Variants in AP1B1 observed in about 807,000 individuals in gnomAD.
The protein encoded by AP1B1 is adaptor related protein complex 1 subunit beta 1.
Under a neutral mutation model 104.3 loss-of-function variants are expected in AP1B1, and 36 were observed. That is an observed-to-expected ratio of 0.35 (90% confidence interval 0.26 to 0.46). AP1B1 has a LOEUF of 0.46. Among genes scored for constraint, AP1B1 ranks in the 20% least tolerant of loss-of-function variants. The probability of loss-of-function intolerance (pLI) is 1.00; values close to 1 mark genes in which losing one functional copy is unlikely to be tolerated. For missense variants in AP1B1, 901 were observed against 1,247.9 expected, an observed-to-expected ratio of 0.72 and a Z score of 4.19; for synonymous variants, 504 against 517.5, an observed-to-expected ratio of 0.97 and a Z score of 0.35.
chr22:29,349,506 G>A lies in AP1B1; in HGVS notation c.1272-123C>T, dbSNP rs2061840927. On this transcript the variant is annotated intron_variant, in intron 10 of 22. Coordinates refer to ENST00000357586, the MANE Select transcript of AP1B1 (RefSeq NM_001127.4). ...TAAGACCCCAAGGTGGCAGGTAAAG[G>A]GGATCTGAGTTTTGTTTTTTTTTTT... is the stretch of plus-strand genomic sequence containing the variant. 1.5e-5 allele frequency: 15 copies of A among 1,028,328 alleles called. 1 individual carries two copies. The highest frequency in any genetic ancestry group is 2.1e-5 in the Non-Finnish European group (15 of 714,652). 63.7% of individuals were successfully genotyped at this position (1,028,328 alleles called of 1,614,324 possible).
rs59074009 is a variant in AP1B1 at position 29,338,963 on chromosome 22, C to T, written c.2163+27G>A. On this transcript the variant is annotated intron_variant, in intron 16 of 22. Coordinates refer to ENST00000357586, the MANE Select transcript of AP1B1 (RefSeq NM_001127.4). ...AGTCTCCATAACTTCTCTCTGCTCC[C>T]GCCAAGACAGAAGACAAGTGACTTA... is the stretch of plus-strand genomic sequence containing the variant. The T allele has an allele frequency of 8.6e-3, 13,928 of 1,613,420 alleles. 576 individuals carry two copies. In the African/African-American group the frequency reaches 0.12, roughly 14 times the overall value.
intron 11 of AP1B1, among the ~76,000 whole-genome samples, chr22:29,347,271 T>C (rs1351683525): frequency 6.6e-6 from 1 of 152,194 alleles, no homozygotes; most frequent in Non-Finnish European, 1.5e-5. Flanking sequence ...TAGTTTGCTT[T>C]TGAAACCAAT....
intron 5 of AP1B1, 120 bp downstream of exon 5, chr22:29,358,606 C>T: frequency 7.4e-7 from 1 of 1,352,714 alleles, no homozygotes. Context: ...GAACAACTGG[C>T]ACCCCCAGCC....
rs2061851616 is a variant in AP1B1, at chr22:29,350,125, G to A, written c.1181C>T (p.Thr394Met). ...VEQSAERCVS[T>M]LLDLIQTKVN... ...CTTGGTCTGGATGAGGTCGAGCAGC[G>A]TGCTCACACAGCGCTCCGCAGATTG... Residue 394 changes from threonine (T) to methionine (M), a missense_variant, in exon 10 of 23, where the codon ACG (threonine) becomes ATG (methionine). Thr to Met is a moderately conservative substitution (Grantham distance 81). Coordinates refer to ENST00000357586, the MANE Select transcript of AP1B1 (RefSeq NM_001127.4). 3 of 1,614,160 alleles carry A rather than the reference G, an allele frequency of 1.9e-6. No individual in the cohort carries two copies. The highest frequency in any genetic ancestry group is 2.5e-6 in the Non-Finnish European group (3 of 1,180,002).
At chr22:29,331,644 A>AC in intron 18 of AP1B1, 111 bp from the exon 19 acceptor site, 1 of 1,570,852 alleles carries the variant, frequency 6.4e-7, no homozygotes, top group Non-Finnish European at 8.7e-7. Context: ...TGGTAAACAC[A>AC]CCCCTTCGTT....
chr22:29,363,490 T>A (rs1252059899), intron 2 of AP1B1, among the ~76,000 whole-genome samples: 1 of 151,922 alleles, frequency 6.6e-6, no homozygotes, highest in African/African-American at 2.4e-5. Context: ...TCTATTAAAA[T>A]ACAAAAAATT....
At chr22:29,343,757 C>T (rs1413836721) in intron 11 of AP1B1, among the ~76,000 whole-genome samples, 2 of 152,160 alleles carry the variant, frequency 1.3e-5, no homozygotes, top group Non-Finnish European at 2.9e-5. Context: ...AGTCAGTTTC[C>T]TAACGTATAA....
chr22:29,337,783 C>T (rs2061658831), intron 16 of AP1B1, among the ~76,000 whole-genome samples: 1 of 152,350 alleles, frequency 6.6e-6, no homozygotes, highest in South Asian at 2.1e-4. Context: ...TCAAGTCTGG[C>T]CGCTGTTTCC....
At chr22:29,329,848 CA>C (rs2061530767) in intron 21 of AP1B1, 128 bp from the exon 22 acceptor site, 3 of 1,525,410 alleles carry the variant, frequency 2.0e-6, no homozygotes, top group Non-Finnish European at 2.6e-6. Flanking sequence ...CCAGGAGGGG[CA>C]GTGTCTGGAG....
intron 2 of AP1B1, among the ~76,000 whole-genome samples, chr22:29,366,169 C>A: frequency 6.6e-6 from 1 of 152,120 alleles, no homozygotes; most frequent in East Asian, 1.9e-4. Context: ...TTGTCAGCCA[C>A]GACGACATCC....
chr22:29,335,481 C>A (rs2061625346), intron 16 of AP1B1, among the ~76,000 whole-genome samples: 1 of 152,246 alleles, frequency 6.6e-6, no homozygotes, highest in African/African-American at 2.4e-5. Flanking sequence ...TTACATCTGC[C>A]TCCAGGGCCT....
intron 8 of AP1B1, 121 bp from the exon 9 acceptor site, chr22:29,351,387 G>T (rs1372082347): frequency 3.4e-6 from 4 of 1,179,482 alleles, no homozygotes; most frequent in Non-Finnish European, 3.8e-6. Flanking sequence ...CCTGCTCCAG[G>T]TAGAAGGCCC....
At chr22:29,377,626 T>C (rs1045245811) in intron 1 of AP1B1, among the ~76,000 whole-genome samples, 2 of 151,880 alleles carry the variant, frequency 1.3e-5, no homozygotes, top group Non-Finnish European at 2.9e-5. Flanking sequence ...CTGGTCAACA[T>C]AGTGAAACCT....
At position 29,385,115 on chromosome 22, in the gene AP1B1, T is replaced by C. The variant is rs561610649; in HGVS notation, c.-28+3309A>G. Reference sequence around the variant, plus strand: ...TAAAGAGTTGGGAGGCCAGGTGTGGTGGCTCACGCCTGTAATCCCAGCACT... The same window carrying C: ...TAAAGAGTTGGGAGGCCAGGTGTGGCGGCTCACGCCTGTAATCCCAGCACT... On this transcript the variant is annotated intron_variant, in intron 1 of 22. Transcript: ENST00000357586. 6.6e-5 allele frequency among the ~76,000 whole-genome samples: 10 copies of C among 152,194 alleles called. No individual in the cohort carries two copies. The South Asian group carries it at 2.1e-3, about 32-fold the overall frequency.
chr22:29,375,349 C>CAAAAAAAAAAAAAAAAAAAAAAAAAAAAA, intron 1 of AP1B1, among the ~76,000 whole-genome samples: 1 of 57,358 alleles, frequency 1.7e-5, no homozygotes, highest in Non-Finnish European at 3.2e-5. Flanking sequence ...GATTCCATCA[C>CAAAAAAAAAAAAAAAAAAAAAAAAAAAAA]AAAAAAAAAA....
intron 7 of AP1B1, 62 bp downstream of exon 7, chr22:29,354,588 A>C: frequency 6.7e-7 from 1 of 1,502,734 alleles, no homozygotes. Flanking sequence ...GAGAGCCCCC[A>C]TTCCCAGCAG....
At chr22:29,336,210 C>T (rs1266753026) in intron 16 of AP1B1, among the ~76,000 whole-genome samples, 4 of 152,174 alleles carry the variant, frequency 2.6e-5, no homozygotes, top group African/African-American at 9.7e-5. Context: ...TGTCTGTAAC[C>T]CCACAAGCAG....
chr22:29,350,215 TC>T, intron 9 of AP1B1, 65 bp from the exon 10 acceptor site: 1 of 1,314,146 alleles, frequency 7.6e-7, no homozygotes, highest in Non-Finnish European at 1.1e-6. Flanking sequence ...GCCTCTGATG[TC>T]CACGCCTCGG....
chr22:29,383,858 T>G (rs2062477612), intron 1 of AP1B1, among the ~76,000 whole-genome samples: 1 of 152,140 alleles, frequency 6.6e-6, no homozygotes, highest in African/African-American at 2.4e-5. Context: ...AACCCAGAGT[T>G]AGGCCACACT....
Sources: allele counts gnomAD v4.1 joint callset (sites outside exome capture counted in the v4.1 genomes callset), GRCh38; gene constraint gnomAD v4.1.1; transcripts MANE v1.5; gene names NCBI Gene and HGNC (gene_info 2026-07-23, HGNC 2026-07-21).